TMEM219: variants seen among roughly 807,000 people sequenced by gnomAD.
TMEM219 encodes insulin-like growth factor-binding protein 3 receptor.
A neutral mutation model predicts 17.9 loss-of-function variants in TMEM219; 18 were observed. That is an observed-to-expected ratio of 1.01 (90% CI 0.70 to 1.49). The LOEUF (loss-of-function observed/expected upper bound fraction) is 1.49. Ranked by LOEUF, TMEM219 falls within the 40% of genes most tolerant of loss-of-function variation. TMEM219 has a pLI of 0.00. For synonymous variants in TMEM219, 113 were observed against 124.0 expected, an observed-to-expected ratio of 0.91 and a Z score of 0.59; for missense variants, 288 against 292.4, an observed-to-expected ratio of 0.99 and a Z score of 0.11.
chr16:29,971,524 C>T lies in TMEM219; in HGVS notation c.702C>T (p.His234=), dbSNP rs772784413. 2 of 1,594,774 alleles carry T rather than the reference C, an allele frequency of 1.3e-6. No homozygotes were observed. The highest frequency in any genetic ancestry group is 1.4e-5 in the African/African-American group (1 of 73,936). The change falls in exon 5 of 6, where the codon CAC becomes CAT. Residue 234 remains histidine, a synonymous_variant. Transcript: ENST00000279396. Reference sequence around the variant, plus strand: ...GCTTCCACCCGCGCCGGGAGTCCCACTGGTCTAGAACCCGGCTCTGAGGGC... The same window carrying T: ...GCTTCCACCCGCGCCGGGAGTCCCATTGGTCTAGAACCCGGCTCTGAGGGC... ...AMCFHPRRES[H]WSRTRL
chr16:29,968,769 C>T (rs1255113965), intron 4 of TMEM219, among the ~76,000 whole-genome samples: 1 of 152,184 alleles, frequency 6.6e-6, no homozygotes, highest in Non-Finnish European at 1.5e-5. Flanking sequence ...GTTTATAATG[C>T]ACAAAGTGCT....
Position 29,968,202 on chromosome 16 carries a change from G to A in TMEM219, c.533G>A (p.Cys178Tyr). The change falls in exon 4 of 6, where the codon TGT becomes TAT. Residue 178 changes from cysteine to tyrosine, a missense_variant. Physicochemically the swap from Cys to Tyr is radical, Grantham distance 194. Coordinates refer to ENST00000279396, the MANE Select transcript of TMEM219 (RefSeq NM_001083613.2). ...ATLSPRMGEE[C>Y]VSVWSHEGLV... is the part of the protein sequence containing the mutation. ...CTGAGCCCTAGAATGGGTGAGGAAT[G>A]TGTTAGTGTCTGGAGCCATGAAGGC... 4 of 1,614,218 alleles carry A rather than the reference G, an allele frequency of 2.5e-6. No individual in the cohort carries two copies. The highest frequency in any genetic ancestry group is 3.4e-6 in the Non-Finnish European group (4 of 1,180,054).
intron 3 of TMEM219, among the ~76,000 whole-genome samples, chr16:29,966,158 C>T (rs184410072): frequency 2.7e-4 from 41 of 152,294 alleles, no homozygotes; most frequent in Non-Finnish European, 4.3e-4. Context: ...CATGAGCTAC[C>T]GGGTCTGGCG....
chr16:29,969,728 G>A (rs964625813), intron 4 of TMEM219, among the ~76,000 whole-genome samples: 5 of 152,184 alleles, frequency 3.3e-5, no homozygotes, highest in African/African-American at 1.2e-4. Flanking sequence ...ACTCCATGTT[G>A]AGAGGCTTAG....
chr16:29,964,512 G>A (rs1313515594), intron 3 of TMEM219, among the ~76,000 whole-genome samples: 3 of 149,828 alleles, frequency 2.0e-5, no homozygotes, highest in Admixed American at 6.7e-5. Context: ...AATACAAAAA[G>A]TAGCCAGGTG....
At chr16:29,969,970 G>A (rs1037944960) in intron 4 of TMEM219, among the ~76,000 whole-genome samples, 5 of 152,110 alleles carry the variant, frequency 3.3e-5, no homozygotes, top group Non-Finnish European at 7.4e-5. Context: ...CATGAGGCAC[G>A]GTGGCTCACG....
intron 3 of TMEM219, among the ~76,000 whole-genome samples, chr16:29,964,895 C>G (rs1370531292): frequency 2.6e-5 from 4 of 152,170 alleles, no homozygotes; most frequent in Non-Finnish European, 5.9e-5. Flanking sequence ...TTCTGATGTT[C>G]TTTGAGTCTA....
intron 3 of TMEM219, 43 bp downstream of exon 3, chr16:29,963,632 C>T (rs376289916): frequency 3.1e-5 from 49 of 1,579,302 alleles, no homozygotes; most frequent in South Asian, 1.1e-5. Flanking sequence ...CCTGTAATCC[C>T]AACACTTTGG....
chr16:29,967,996 T>G, intron 3 of TMEM219, 29 bp from the exon 4 acceptor site: 8 of 1,561,412 alleles, frequency 5.1e-6, no homozygotes, highest in Non-Finnish European at 6.2e-6. Context: ...TCTCATTTTC[T>G]TCCATTTTCT....
intron 4 of TMEM219, among the ~76,000 whole-genome samples, chr16:29,969,483 C>G (rs2069254732): frequency 6.6e-6 from 1 of 151,984 alleles, no homozygotes. Flanking sequence ...GTGTGAGCCA[C>G]TGCGCCTGGC....
At chr16:29,965,204 C>G (rs1441726262) in intron 3 of TMEM219, among the ~76,000 whole-genome samples, 1 of 151,974 alleles carries the variant, frequency 6.6e-6, no homozygotes, top group African/African-American at 2.4e-5. Flanking sequence ...CTTCTGAGGT[C>G]CTTTACAACA....
chr16:29,963,621 G>A (rs1354260716), intron 3 of TMEM219, 32 bp downstream of exon 3: 11 of 1,595,822 alleles, frequency 6.9e-6, no homozygotes, highest in African/African-American at 4.0e-5. Context: ...GGTGGCTCAC[G>A]CCTGTAATCC....
chr16:29,965,584 A>C (rs2069201831), intron 3 of TMEM219, among the ~76,000 whole-genome samples: 1 of 143,276 alleles, frequency 7.0e-6, no homozygotes, highest in South Asian at 2.2e-4. Context: ...AAAAAAAAAA[A>C]GCCAGGCGTG....
chr16:29,965,903 A>G (rs1430633091), intron 3 of TMEM219, among the ~76,000 whole-genome samples: 3 of 151,944 alleles, frequency 2.0e-5, no homozygotes, highest in African/African-American at 7.2e-5. Context: ...TGCCCAGCTA[A>G]TTTTTGTATT....
At chr16:29,968,401 C>G in intron 4 of TMEM219, 147 bp downstream of exon 4, 1 of 612,034 alleles carries the variant, frequency 1.6e-6, no homozygotes, top group South Asian at 2.1e-5. Flanking sequence ...GAACAAGTGT[C>G]TAAACATCTC....
At position 29,964,685 on chromosome 16, in the gene TMEM219, CAAAAAAAAAAAAGT is replaced by C. The variant is rs1345386976; in HGVS notation, c.355+1099_355+1112del. 2.1e-5 allele frequency among the ~76,000 whole-genome samples: 3 copies of C among 141,722 alleles called. No homozygotes were observed. The East Asian group carries it at 6.1e-4, about 29-fold the overall frequency. The allele number at this position is 141,722 out of a possible 152,430, so 93.0% of individuals were successfully genotyped here. A position where few individuals can be genotyped will look rare whatever the true frequency, so the allele number is the denominator to read the frequency against. ...CCGCGCCCCCCCCACCACCCTGCGCCAAAAAAAAAAAAGTAAGGTGAGATCACAGAGGACTGTGG... is the reference window on the plus strand; with the variant it reads ...CCGCGCCCCCCCCACCACCCTGCGCCAAGGTGAGATCACAGAGGACTGTGG... On this transcript the variant is annotated intron_variant, in intron 3 of 5. Transcript: ENST00000279396.
intron 3 of TMEM219, among the ~76,000 whole-genome samples, chr16:29,965,085 TAGGG>T (rs1485652859): frequency 6.6e-6 from 1 of 152,140 alleles, no homozygotes; most frequent in Non-Finnish European, 1.5e-5. Context: ...TGACAAGCGA[TAGGG>T]AGAATGTGAA....
At position 29,963,159 on chromosome 16, in the gene TMEM219, G is replaced by C; in HGVS notation, c.16G>C (p.Ala6Pro). Reference sequence around the variant, plus strand: ...TCTGCTCCCCATGGGCAACTGCCAGGCAGGGCACAACCTGCACCTGTGTCT... The same window carrying C: ...TCTGCTCCCCATGGGCAACTGCCAGCCAGGGCACAACCTGCACCTGTGTCT... MGNCQ[A>P]GHNLHLCLAH... The change falls in exon 2 of 6, where the codon GCA becomes CCA. Residue 6 changes from alanine (A) to proline (P), a missense_variant. Transcript: ENST00000279396. 6.2e-7 allele frequency: 1 copy of C among 1,612,468 alleles called. No homozygotes were observed. Among genetic ancestry groups the C allele is most frequent in the Non-Finnish European group, 8.5e-7 (1 of 1,180,024 alleles).
intron 4 of TMEM219, among the ~76,000 whole-genome samples, chr16:29,970,974 C>T (rs1039734244): frequency 2.7e-5 from 4 of 150,280 alleles, no homozygotes; most frequent in Admixed American, 1.3e-4. Context: ...GGGCCAGGCG[C>T]GGTGTTTCAC....
Sources: gnomAD v4.1 joint callset for allele counts (sites outside exome capture counted in the v4.1 genomes callset) on GRCh38, gnomAD v4.1.1 for gene constraint, MANE v1.5 for transcripts, NCBI Gene and HGNC (gene_info 2026-07-23, HGNC 2026-07-21) for gene names.